The following RBFOX1 variants were observed in gnomAD, a reference collection of about 807,000 sequenced individuals.
RBFOX1 encodes the protein RNA binding protein fox-1 homolog 1.
RBFOX1 carries 8 observed loss-of-function variants against 57.7 expected under a neutral mutation model. The ratio of observed to expected loss-of-function variants is 0.14; its 90% confidence interval spans 0.08 to 0.25. The LOEUF is 0.25. Among genes scored for constraint, RBFOX1 ranks in the 10% least tolerant of loss-of-function variants. The pLI is 1.00. For missense variants in RBFOX1, 611 were observed against 548.5 expected, an observed-to-expected ratio of 1.11 and a Z score of -1.14; for synonymous variants, 326 against 222.4, an observed-to-expected ratio of 1.47 and a Z score of -4.15.
chr16:6,016,397 AG>A (rs2152343113), upstream of RBFOX1, among the ~76,000 whole-genome samples: 1 of 152,324 alleles, frequency 6.6e-6, no homozygotes, highest in Non-Finnish European at 1.5e-5. Flanking sequence ...CATATACAAA[AG>A]ATTGGATACA....
chr16:5,407,876 C>T (rs1027159275), intron 1 of RBFOX1, among the ~76,000 whole-genome samples: 4 of 152,170 alleles, frequency 2.6e-5, no homozygotes, highest in Non-Finnish European at 4.4e-5. Context: ...ACCCAAGTCC[C>T]GTGGGAGGTG....
chr16:6,205,145 A>C (rs1025054975), intron 1 of RBFOX1, among the ~76,000 whole-genome samples: 4 of 152,192 alleles, frequency 2.6e-5, no homozygotes, highest in African/African-American at 9.6e-5. Flanking sequence ...AAATTGCATT[A>C]GTGTGCTAGC....
At chr16:5,865,415 G>T (rs777146212) in intron 3 of RBFOX1, among the ~76,000 whole-genome samples, 3 of 152,174 alleles carry the variant, frequency 2.0e-5, no homozygotes, top group African/African-American at 7.2e-5. Flanking sequence ...CCCCATGGCT[G>T]GGCCCCGGAT....
intron 1 of RBFOX1, among the ~76,000 whole-genome samples, chr16:5,246,560 T>A (rs2062304919): frequency 1.3e-5 from 2 of 152,240 alleles, no homozygotes; most frequent in African/African-American, 2.4e-5. Context: ...CTTGAACTTA[T>A]TCTTCCTCTC....
intron 4 of RBFOX1, among the ~76,000 whole-genome samples, chr16:7,428,975 G>A (rs1017751319): frequency 1.3e-5 from 2 of 152,148 alleles, no homozygotes; most frequent in Non-Finnish European, 2.9e-5. Flanking sequence ...AAGAAAAAAA[G>A]TGTATCAACA....
chr16:7,209,438 T>C (rs913590621), intron 4 of RBFOX1, among the ~76,000 whole-genome samples: 1 of 152,186 alleles, frequency 6.6e-6, no homozygotes, highest in African/African-American at 2.4e-5. Flanking sequence ...CTTACCTTTT[T>C]AAAAGCCCCT....
chr16:6,844,848 G>GT (rs925017237), intron 3 of RBFOX1, among the ~76,000 whole-genome samples: 12 of 152,092 alleles, frequency 7.9e-5, no homozygotes, highest in Admixed American at 3.3e-4. Context: ...GCCAGCACCT[G>GT]TTTTTTAATA....
At chr16:5,451,649 T>C (rs1469341024) in intron 1 of RBFOX1, among the ~76,000 whole-genome samples, 2 of 152,222 alleles carry the variant, frequency 1.3e-5, no homozygotes, top group Non-Finnish European at 2.9e-5. Flanking sequence ...GAAGTCTACG[T>C]ACAATGTCAT....
chr16:6,198,891 C>A (rs1476448587), intron 1 of RBFOX1, among the ~76,000 whole-genome samples: 13 of 152,102 alleles, frequency 8.5e-5, no homozygotes. Context: ...CTTCTCTAAA[C>A]AGGTTTTTTT....
At chr16:6,321,712 A>T (rs8062975) in intron 2 of RBFOX1, among the ~76,000 whole-genome samples, 24,426 of 152,262 alleles carry the variant, frequency 0.16, 2,322 homozygotes, top group South Asian at 0.27. Context: ...GAATGAAGAG[A>T]TAGATAAATG....
chr16:7,412,020 C>T (rs1206217298), intron 4 of RBFOX1, among the ~76,000 whole-genome samples: 1 of 151,606 alleles, frequency 6.6e-6, no homozygotes, highest in East Asian at 1.9e-4. Context: ...GATCCTGGAG[C>T]CGAAAAAGGA....
At chr16:7,701,598 TCTC>T (rs1360575446) in intron 14 of RBFOX1, among the ~76,000 whole-genome samples, 3 of 152,278 alleles carry the variant, frequency 2.0e-5, no homozygotes, top group Middle Eastern at 3.4e-3. Flanking sequence ...GCCAGGGACT[TCTC>T]CTCTAGGTGT....
chr16:6,768,728 GAT>G (rs1227368892), intron 3 of RBFOX1, among the ~76,000 whole-genome samples: 1 of 148,866 alleles, frequency 6.7e-6, no homozygotes, highest in Non-Finnish European at 1.5e-5. Flanking sequence ...ATATTATGAT[GAT>G]ATTATTTTTC....
intron 4 of RBFOX1, among the ~76,000 whole-genome samples, chr16:5,964,145 A>G (rs368505484): frequency 2.0e-5 from 3 of 152,246 alleles, no homozygotes; most frequent in African/African-American, 7.2e-5. Context: ...CCACAGGTAC[A>G]TGAAAAGGTG....
At chr16:6,083,087 C>T (rs1363553039) in intron 1 of RBFOX1, among the ~76,000 whole-genome samples, 2 of 151,780 alleles carry the variant, frequency 1.3e-5, no homozygotes, top group African/African-American at 4.8e-5. Flanking sequence ...CTGCAACCTC[C>T]TCCTCCCAGG....
chr16:7,104,857 G>T (rs1397308045), intron 4 of RBFOX1, among the ~76,000 whole-genome samples: 1 of 152,134 alleles, frequency 6.6e-6, no homozygotes, highest in African/African-American at 2.4e-5. Flanking sequence ...ACTCACTGGT[G>T]TACAAAACAG....
At chr16:7,257,390 C>T (rs1567920992) in intron 4 of RBFOX1, among the ~76,000 whole-genome samples, 1 of 152,278 alleles carries the variant, frequency 6.6e-6, no homozygotes, top group South Asian at 2.1e-4. Flanking sequence ...CCTCTATCTT[C>T]CCTCTTTTAT....
intron 3 of RBFOX1, among the ~76,000 whole-genome samples, chr16:5,763,656 G>A (rs4786775): frequency 0.22 from 33,617 of 152,208 alleles, 6,081 homozygotes; most frequent in African/African-American, 0.5. Flanking sequence ...CACTCACTCC[G>A]AGGGAATATT....
chr16:5,768,545 C>T (rs963537510), intron 3 of RBFOX1, among the ~76,000 whole-genome samples: 1 of 152,094 alleles, frequency 6.6e-6, no homozygotes, highest in Non-Finnish European at 1.5e-5. Flanking sequence ...GTTTTCGGCC[C>T]ACATGACATA....
Sources: allele counts gnomAD v4.1 joint callset (sites outside exome capture counted in the v4.1 genomes callset), GRCh38; gene constraint gnomAD v4.1.1; transcripts MANE v1.5; gene names NCBI Gene and HGNC (gene_info 2026-07-23, HGNC 2026-07-21).